KIAA0930: variants seen among roughly 807,000 people sequenced by gnomAD.
KIAA0930 encodes uncharacterized protein KIAA0930.
In KIAA0930, 24 loss-of-function variants were observed where a neutral mutation model predicts 43.9. The observed-to-expected ratio is 0.55, with a 90% confidence interval of 0.40 to 0.77. The LOEUF is 0.77. Among genes scored for constraint, KIAA0930 ranks in the 30% least tolerant of loss-of-function variants. The pLI, the probability that KIAA0930 is intolerant of heterozygous loss-of-function variation, is 0.00. For missense variants in KIAA0930, 461 were observed against 574.2 expected, an observed-to-expected ratio of 0.80 and a Z score of 2.02; for synonymous variants, 259 against 216.4, an observed-to-expected ratio of 1.20 and a Z score of -1.73.
chr22:45,198,598 G>GCTCC (rs2083558070), intron 8 of KIAA0930, among the ~76,000 whole-genome samples: 1 of 152,214 alleles, frequency 6.6e-6, no homozygotes, highest in African/African-American at 2.4e-5. Flanking sequence ...CTGCAGCCCT[G>GCTCC]CTCCCTGCTG....
At chr22:45,228,924 C>T (rs1459663260) in intron 1 of KIAA0930, among the ~76,000 whole-genome samples, 1 of 45,034 alleles carries the variant, frequency 2.2e-5, no homozygotes, top group Non-Finnish European at 3.6e-5. Flanking sequence ...AGATCCCTCT[C>T]CACCCCCCAA....
At chr22:45,240,169 C>T (rs1481042973) in intron 1 of KIAA0930, among the ~76,000 whole-genome samples, 4 of 152,232 alleles carry the variant, frequency 2.6e-5, no homozygotes, top group African/African-American at 9.6e-5. Flanking sequence ...CTTCGGGTAG[C>T]AGGAGACAGT....
intron 1 of KIAA0930, among the ~76,000 whole-genome samples, chr22:45,219,789 C>T (rs1383698683): frequency 6.6e-6 from 1 of 151,974 alleles, no homozygotes; most frequent in African/African-American, 2.4e-5. Flanking sequence ...ACAGGTTTCA[C>T]CATGTTGCCC....
At chr22:45,235,349 G>C (rs994060277) in intron 1 of KIAA0930, 2 of 152,240 alleles carry the variant, frequency 1.3e-5, no homozygotes, top group African/African-American at 4.8e-5. Context: ...GGTTCCGTCC[G>C]GAAGGACACA....
chr22:45,205,770 G>GCGGCCCCCCC, intron 3 of KIAA0930, 23 bp downstream of exon 3: 3 of 1,523,780 alleles, frequency 2.0e-6, no homozygotes, highest in Non-Finnish European at 2.7e-6. Flanking sequence ...CCAATCCGCA[G>GCGGCCCCCCC]CCCCACCCAT....
At chr22:45,209,620 G>A (rs894755026) in intron 2 of KIAA0930, among the ~76,000 whole-genome samples, 3 of 152,014 alleles carry the variant, frequency 2.0e-5, no homozygotes, top group Admixed American at 2.0e-4. Flanking sequence ...CCCCACCACC[G>A]CCGCCCTGCT....
rs967400782 is a variant in KIAA0930, at chr22:45,193,777, C to T, written c.*3399G>A. ...AAGCCTTAGCTGGCTTTGCAGGCAA[C>T]TAGGCACTTCCAGCAGGACATGAGA... On this transcript the variant is annotated 3_prime_UTR_variant, in exon 10 of 10. Transcript: ENST00000336156. 6.6e-6 allele frequency: 1 copy of T among 152,186 alleles called. No homozygotes were observed. The highest frequency in any genetic ancestry group is 1.5e-5 in the Non-Finnish European group (1 of 68,044). The allele number at this position is 152,186 out of a possible 1,614,324, so 9.4% of individuals were successfully genotyped here.
At chr22:45,223,231 ACT>A (rs1341912439) in intron 1 of KIAA0930, among the ~76,000 whole-genome samples, 1 of 152,348 alleles carries the variant, frequency 6.6e-6, no homozygotes, top group African/African-American at 2.4e-5. Context: ...GATTGAAGCA[ACT>A]CTATCTGTTC....
chr22:45,205,123 G>A, intron 5 of KIAA0930, 94 bp downstream of exon 5: 1 of 975,158 alleles, frequency 1.0e-6, no homozygotes, highest in South Asian at 1.3e-5. Flanking sequence ...AGCCACCCAT[G>A]CCTTTCTGCA....
intron 1 of KIAA0930, among the ~76,000 whole-genome samples, chr22:45,234,562 G>A (rs527554097): frequency 1.3e-4 from 20 of 152,172 alleles, no homozygotes; most frequent in Admixed American, 1.2e-3. Flanking sequence ...TACCACCTAC[G>A]GTCCTACCCC....
rs569145648 is a variant in KIAA0930, at chr22:45,240,269, G to A, written c.64+371C>T. Among the ~76,000 whole-genome samples, 6 of 152,354 alleles carry A rather than the reference G, an allele frequency of 3.9e-5. 1 individual carries two copies. The highest frequency in any genetic ancestry group is 1.2e-4 in the African/African-American group (5 of 41,586). On this transcript the variant is annotated intron_variant, in intron 1 of 9. Transcript: ENST00000336156. ...GGCTAAGGGTGTACCCAGATCCCAC[G>A]CCCACACTCCCTACCGCGGTGCTGA...
At position 45,196,936 on chromosome 22, in the gene KIAA0930, TGGGGGGCGATGGGC is replaced by T. The variant is rs1198669134; in HGVS notation, c.*226_*239del. ...GTGCAGAGGGCTCTCCAGAGATGGG[TGGGGGGCGATGGGC>T]GGGGGGCACAGGGCGGAGCAGCGCC... On this transcript the variant is annotated 3_prime_UTR_variant, in exon 10 of 10. Coordinates refer to ENST00000336156, the MANE Select transcript of KIAA0930 (RefSeq NM_001009880.2). This position sits in a 1 kb window ranked among gnomAD's most constrained non-coding sequence, Gnocchi z 4.1. The T allele has an allele frequency of 9.0e-6, 4 of 446,168 alleles. No homozygotes were observed. Among genetic ancestry groups the T allele is most frequent in the African/African-American group, 2.5e-5 (1 of 39,652 alleles). The allele number at this position is 446,168 out of a possible 1,614,324, so 27.6% of individuals were successfully genotyped here.
In KIAA0930 at chr22:45,203,017, G is replaced by A. The variant is rs1271326524; in HGVS notation, c.825C>T (p.Ser275=). 1.2e-6 allele frequency: 2 copies of A among 1,612,148 alleles called. No homozygotes were observed. The highest frequency in any genetic ancestry group is 1.7e-6 in the Non-Finnish European group (2 of 1,179,212). Residue 275 remains serine, a synonymous_variant, in exon 7 of 10, where the codon TCC becomes TCT. Transcript: ENST00000336156. The part of the protein sequence containing the change: ...DTSPCGTEED[S]SPASPMHERV... The stretch of plus-strand genomic sequence containing the variant: ...GCTCGTGCATGGGCGAAGCTGGGCT[G>A]GAGTCCTCTTCAGTCCCACAGGGGG...
chr22:45,203,802 C>T, intron 6 of KIAA0930, 43 bp downstream of exon 6: 1 of 1,600,594 alleles, frequency 6.2e-7, no homozygotes, highest in Middle Eastern at 1.7e-4. Flanking sequence ...GAGCCGCCGT[C>T]CCCGGGCCCA....
Position 45,203,314 on chromosome 22 carries a change from G to A in KIAA0930, c.658-130C>T, listed in dbSNP as rs906896144. The A allele has an allele frequency of 1.2e-5, 11 of 921,658 alleles. No individual in the cohort carries two copies. The African/African-American group carries it at 1.7e-4, about 14-fold the overall frequency. The allele number at this position is 921,658 out of a possible 1,614,324, so 57.1% of individuals were successfully genotyped here. ...GGGCTGCCCGGGAGGGAGCGTCTGAGCTGGCAGGCGGGGCAGCTGGAATGG... is the reference window on the plus strand; with the variant it reads ...GGGCTGCCCGGGAGGGAGCGTCTGAACTGGCAGGCGGGGCAGCTGGAATGG... On this transcript the variant is annotated intron_variant, in intron 6 of 9. Coordinates refer to ENST00000336156, the MANE Select transcript of KIAA0930 (RefSeq NM_001009880.2).
chr22:45,222,393 T>C (rs1466689232), intron 1 of KIAA0930, among the ~76,000 whole-genome samples: 1 of 152,204 alleles, frequency 6.6e-6, no homozygotes, highest in East Asian at 1.9e-4. Flanking sequence ...ACTGCAACTT[T>C]GACCTCAACA....
intron 8 of KIAA0930, 70 bp downstream of exon 8, chr22:45,199,803 T>G: frequency 7.5e-7 from 1 of 1,331,152 alleles, no homozygotes; most frequent in Non-Finnish European, 1.0e-6. Context: ...AATAAATGAA[T>G]GAATGACTGG....
chr22:45,229,590 G>C (rs991839753), intron 1 of KIAA0930, among the ~76,000 whole-genome samples: 11 of 152,160 alleles, frequency 7.2e-5, no homozygotes, highest in African/African-American at 2.7e-4. Context: ...TCCACCAACG[G>C]GTCAGGAAGA....
At chr22:45,197,282 G>C in intron 9 of KIAA0930, 66 bp from the exon 10 acceptor site, 1 of 1,412,816 alleles carries the variant, frequency 7.1e-7, no homozygotes, top group Non-Finnish European at 9.6e-7. Context: ...CTATGGTCAC[G>C]GCAGTGCCAC....
Sources: allele counts gnomAD v4.1 joint callset (sites outside exome capture counted in the v4.1 genomes callset), GRCh38; gene constraint gnomAD v4.1.1; non-coding constraint Gnocchi (gnomAD v3.1); transcripts MANE v1.5; gene names NCBI Gene and HGNC (gene_info 2026-07-23, HGNC 2026-07-21).